Variants in DCAKD observed in about 807,000 individuals in gnomAD.
DCAKD encodes dephospho-CoA kinase domain containing.
Under a neutral mutation model 18.7 loss-of-function variants are expected in DCAKD, and 15 were observed. That is an observed-to-expected ratio of 0.80 (90% confidence interval 0.54 to 1.24). The LOEUF (loss-of-function observed/expected upper bound fraction) is 1.24. Ranked by LOEUF, DCAKD falls within the 50% of genes most tolerant of loss-of-function variation. The pLI is 0.00. For synonymous variants in DCAKD, 130 were observed against 133.0 expected, an observed-to-expected ratio of 0.98 and a Z score of 0.16; for missense variants, 301 against 322.0, an observed-to-expected ratio of 0.93 and a Z score of 0.50.
chr17:45,044,755 G>C (rs2053528028), intron 1 of DCAKD, among the ~76,000 whole-genome samples: 1 of 152,072 alleles, frequency 6.6e-6, no homozygotes, highest in African/African-American at 2.4e-5. Flanking sequence ...TGGCAGAAGA[G>C]TTCCCACAAG....
At chr17:45,058,816 A>C (rs534949583) in intron 1 of DCAKD, among the ~76,000 whole-genome samples, 1 of 151,972 alleles carries the variant, frequency 6.6e-6, no homozygotes, top group Non-Finnish European at 1.5e-5. Flanking sequence ...GACCCCGGAG[A>C]GTTGAGTGTG....
chr17:45,055,520 A>G (rs2053770798), upstream of DCAKD, among the ~76,000 whole-genome samples: 3 of 152,064 alleles, frequency 2.0e-5, no homozygotes, highest in South Asian at 2.1e-4. Flanking sequence ...CTGGAACCAC[A>G]GGCACACACT....
At position 45,057,801 on chromosome 17, in the gene DCAKD, A is replaced by G. The variant is rs2053800597; in HGVS notation, c.-118+3087T>C. Among the ~76,000 whole-genome samples the G allele has an allele frequency of 4.0e-5, 6 of 151,780 alleles. No homozygotes were observed. The South Asian group carries it at 1.2e-3, about 31-fold the overall frequency. ...CGAGGTGGGCGGATCACCTGAGGTCAGGAGTTCGAGACCAGCCTGGCCAAC... is the reference window on the plus strand; with the variant it reads ...CGAGGTGGGCGGATCACCTGAGGTCGGGAGTTCGAGACCAGCCTGGCCAAC... On this transcript the variant is annotated intron_variant, in intron 1 of 4. Coordinates refer to the DCAKD transcript ENST00000310604.
chr17:45,037,386 AAAAC>A (rs984595471), intron 1 of DCAKD, among the ~76,000 whole-genome samples: 6 of 152,174 alleles, frequency 3.9e-5, no homozygotes, highest in African/African-American at 1.2e-4. Flanking sequence ...TTCAGTTGTA[AAAAC>A]AAACAAACAA....
At chr17:45,034,450 T>G in intron 2 of DCAKD, 60 bp from the exon 3 acceptor site, 1 of 1,585,918 alleles carries the variant, frequency 6.3e-7, no homozygotes. Context: ...TCAGAGGACC[T>G]CAGTGACCAG....
intron 4 of DCAKD, among the ~76,000 whole-genome samples, chr17:45,027,109 G>A (rs1345296785): frequency 2.6e-5 from 4 of 152,204 alleles, no homozygotes; most frequent in South Asian, 2.1e-4. Context: ...TTAGTAGGCC[G>A]AGGAGGAGGA....
intron 2 of DCAKD, 112 bp downstream of exon 2, chr17:45,034,662 T>C: frequency 8.4e-7 from 1 of 1,193,022 alleles, no homozygotes; most frequent in Non-Finnish European, 1.2e-6. Flanking sequence ...CAGACCAGGG[T>C]CAACAGGAGC....
At chr17:45,060,985 C>A in exon 1 of DCAKD, 1 of 1,035,954 alleles carries the variant, frequency 9.7e-7, no homozygotes, top group Non-Finnish European at 1.2e-6. Context: ...GATTTTGGAA[C>A]CTCCACGCCT....
At chr17:45,052,418 G>GA (rs2053726426), upstream of DCAKD, among the ~76,000 whole-genome samples, 2 of 152,108 alleles carry the variant, frequency 1.3e-5, no homozygotes, top group Non-Finnish European at 2.9e-5. Context: ...TACACAACAG[G>GA]AAACTATGTT....
chr17:45,038,234 G>A (rs983696306), intron 1 of DCAKD, among the ~76,000 whole-genome samples: 2 of 151,996 alleles, frequency 1.3e-5, no homozygotes, highest in Non-Finnish European at 2.9e-5. Flanking sequence ...GCACCACCAT[G>A]CCTGGCTGAT....
rs914657653 is a variant in DCAKD, at chr17:45,024,200, C to T, written c.*233G>A. On this transcript the variant is annotated 3_prime_UTR_variant, in exon 5 of 5. Coordinates refer to ENST00000651974, the MANE Select transcript of DCAKD (RefSeq NM_001288655.2). The stretch of plus-strand genomic sequence containing the variant: ...TGCTGCTCAGGGAAGGTGGGAAGGA[C>T]AGCAGGCTATTTCTTGATCTCAAAT... 6 of 533,784 alleles carry T rather than the reference C, an allele frequency of 1.1e-5. No homozygotes were observed. The South Asian group carries it at 1.3e-4, about 11-fold the overall frequency. 33.1% of individuals were successfully genotyped at this position (533,784 alleles called of 1,614,324 possible). A position where few individuals can be genotyped will look rare whatever the true frequency, so the allele number is the denominator to read the frequency against.
intron 4 of DCAKD, among the ~76,000 whole-genome samples, chr17:45,027,245 G>A (rs1299155671): frequency 6.6e-6 from 1 of 152,228 alleles, no homozygotes; most frequent in Non-Finnish European, 1.5e-5. Context: ...AGAGGCTGAG[G>A]TGGAAGACTG....
chr17:45,032,150 A>G, intron 3 of DCAKD: 1 of 984,172 alleles, frequency 1.0e-6, no homozygotes, highest in Non-Finnish European at 1.2e-6. Flanking sequence ...CAGAAAGGGC[A>G]GGAATGAAAG....
chr17:45,030,933 C>A (rs1268217964), intron 3 of DCAKD: 6 of 976,896 alleles, frequency 6.1e-6, no homozygotes, highest in African/African-American at 1.8e-5. Flanking sequence ...AAGGGCAGCA[C>A]CCCCACCCAC....
chr17:45,057,813 C>A (rs1347629451), intron 1 of DCAKD, among the ~76,000 whole-genome samples: 1 of 151,582 alleles, frequency 6.6e-6, no homozygotes, highest in Non-Finnish European at 1.5e-5. Flanking sequence ...GAGTTCGAGA[C>A]CAGCCTGGCC....
chr17:45,042,861 G>C (rs988713671), intron 1 of DCAKD, among the ~76,000 whole-genome samples: 1 of 152,196 alleles, frequency 6.6e-6, no homozygotes, highest in African/African-American at 2.4e-5. Context: ...GCCTCCCTCT[G>C]TGTCCTCCCT....
chr17:45,032,217 C>T, intron 3 of DCAKD: 1 of 716,774 alleles, frequency 1.4e-6, no homozygotes, highest in Non-Finnish European at 1.7e-6. Context: ...ACATAGGAGG[C>T]AGCACAAAGA....
exon 1 of DCAKD, chr17:45,061,070 C>T: frequency 1.6e-6 from 2 of 1,266,224 alleles, no homozygotes; most frequent in South Asian, 3.9e-5. Flanking sequence ...GTCGGTCCCA[C>T]CAACCTTGCG....
Position 45,025,066 on chromosome 17 carries a change from A to T in DCAKD, c.405-342T>A, listed in dbSNP as rs534494971. Among the ~76,000 whole-genome samples, 37 of 140,336 alleles carry T rather than the reference A, an allele frequency of 2.6e-4. 1 individual carries two copies. In the South Asian group the frequency reaches 7.8e-3, roughly 30 times the overall value. The allele number at this position is 140,336 out of a possible 152,430, so 92.1% of individuals were successfully genotyped here. ...TCTCTTTGCTTTGCTACTAGACCTGACATTCCCCAGTCATAAGGTGGGAAG... is the reference window on the plus strand; with the variant it reads ...TCTCTTTGCTTTGCTACTAGACCTGTCATTCCCCAGTCATAAGGTGGGAAG... On this transcript the variant is annotated intron_variant, in intron 4 of 4. Coordinates refer to ENST00000651974, the MANE Select transcript of DCAKD (RefSeq NM_001288655.2).
Sources: allele counts gnomAD v4.1 joint callset (sites outside exome capture counted in the v4.1 genomes callset), GRCh38; gene constraint gnomAD v4.1.1; transcripts MANE v1.5; gene names NCBI Gene and HGNC (gene_info 2026-07-23, HGNC 2026-07-21).